DAPK2: variants seen among roughly 807,000 people sequenced by gnomAD.
The protein encoded by DAPK2 is death-associated protein kinase 2.
Under a neutral mutation model 44.1 loss-of-function variants are expected in DAPK2, and 35 were observed. The ratio of observed to expected loss-of-function variants is 0.79; its 90% CI spans 0.61 to 1.05. The LOEUF (loss-of-function observed/expected upper bound fraction) is 1.05. Ranked by LOEUF, DAPK2 falls within the 50% of genes least tolerant of loss-of-function variation. DAPK2 has a pLI of 0.00. For missense variants in DAPK2, 453 were observed against 483.2 expected, an observed-to-expected ratio of 0.94 and a Z score of 0.59; for synonymous variants, 174 against 182.6, an observed-to-expected ratio of 0.95 and a Z score of 0.38.
At chr15:64,003,628 CAG>C (rs2079154023) in intron 1 of DAPK2, among the ~76,000 whole-genome samples, 1 of 152,094 alleles carries the variant, frequency 6.6e-6, no homozygotes, top group African/African-American at 2.4e-5. Context: ...TTCCTTCTGA[CAG>C]AGTCTTGCTC....
At chr15:63,968,787 G>A (rs896113109) in intron 3 of DAPK2, among the ~76,000 whole-genome samples, 11 of 152,284 alleles carry the variant, frequency 7.2e-5, no homozygotes, top group East Asian at 5.8e-4. Context: ...CCACCACAGC[G>A]AGCTGCCATA....
chr15:63,962,779 G>C (rs938212391), intron 3 of DAPK2, among the ~76,000 whole-genome samples: 7 of 152,238 alleles, frequency 4.6e-5, no homozygotes, highest in Non-Finnish European at 1.0e-4. Context: ...GTGTCTCCCA[G>C]TTAGGCTACT....
At chr15:63,922,967 C>T in intron 8 of DAPK2, 1 of 1,535,952 alleles carries the variant, frequency 6.5e-7, no homozygotes, top group South Asian at 1.2e-5. Context: ...GCTTCCGAGG[C>T]TACATCCCGT....
chr15:64,036,923 G>A (rs1272855235), intron 1 of DAPK2, among the ~76,000 whole-genome samples: 2 of 152,124 alleles, frequency 1.3e-5, no homozygotes, highest in Non-Finnish European at 2.9e-5. Context: ...GTTCACTGTT[G>A]AAGGCCAGAA....
chr15:63,987,687 C>G (rs1595858827), intron 1 of DAPK2, among the ~76,000 whole-genome samples: 1 of 152,172 alleles, frequency 6.6e-6, no homozygotes, highest in Non-Finnish European at 1.5e-5. Flanking sequence ...TCTTAGAAAG[C>G]TTCCTGTCAG....
At chr15:63,941,849 C>G (rs2077318201) in intron 3 of DAPK2, among the ~76,000 whole-genome samples, 1 of 152,178 alleles carries the variant, frequency 6.6e-6, no homozygotes, top group African/African-American at 2.4e-5. Flanking sequence ...CACTCTAGCA[C>G]CCCTGACCAG....
At chr15:64,016,150 C>G (rs1277894617) in intron 1 of DAPK2, among the ~76,000 whole-genome samples, 1 of 152,174 alleles carries the variant, frequency 6.6e-6, no homozygotes, top group East Asian at 1.9e-4. Flanking sequence ...GAAAGTCCTC[C>G]TCTCTCTCAG....
At chr15:64,022,786 TC>T (rs2079727196) in intron 1 of DAPK2, among the ~76,000 whole-genome samples, 1 of 152,126 alleles carries the variant, frequency 6.6e-6, no homozygotes, top group African/African-American at 2.4e-5. Context: ...ATCACTGCAC[TC>T]CAGCCTGGGT....
intron 3 of DAPK2, among the ~76,000 whole-genome samples, chr15:63,954,915 T>C (rs1431197989): frequency 1.3e-5 from 2 of 152,220 alleles, no homozygotes; most frequent in African/African-American, 2.4e-5. Flanking sequence ...TTTTTAGCTA[T>C]TGTAAGTGAG....
intron 4 of DAPK2, among the ~76,000 whole-genome samples, chr15:63,936,974 T>G (rs368642306): frequency 0.039 from 2,733 of 69,396 alleles, 73 homozygotes; most frequent in African/African-American, 0.11. Flanking sequence ...AGTGAGACCC[T>G]GTCTCAAAAA....
At chr15:63,925,908 C>T (rs754265097) in intron 7 of DAPK2, 33 bp downstream of exon 8, 1 of 1,613,766 alleles carries the variant, frequency 6.2e-7, no homozygotes, top group Admixed American at 1.7e-5. Context: ...GGGATCAGTA[C>T]CTGAGAAACC....
intron 1 of DAPK2, among the ~76,000 whole-genome samples, chr15:63,997,657 G>C (rs1483632564): frequency 2.0e-5 from 3 of 152,102 alleles, no homozygotes; most frequent in African/African-American, 7.2e-5. Flanking sequence ...ATGGACCCTA[G>C]CCTCTAAAAT....
At chr15:64,026,729 C>T (rs2079857850) in intron 1 of DAPK2, among the ~76,000 whole-genome samples, 1 of 152,154 alleles carries the variant, frequency 6.6e-6, no homozygotes. Flanking sequence ...AAGGAGCAGA[C>T]CCCTTGGCAG....
In DAPK2 at chr15:63,990,764, A is replaced by C. The variant is rs1052984973; in HGVS notation, c.93-7010T>G. On this transcript the variant is annotated intron_variant, in intron 1 of 10. Coordinates refer to ENST00000261891, the Ensembl canonical transcript of DAPK2. This position sits in a 1 kb window ranked among gnomAD's most constrained non-coding sequence, Gnocchi z 4.3. ...AATTACCCTGCGAGGTTTCAGGGCC[A>C]TAGGGCAGGGATAATGCTTAGGAAC... Among the ~76,000 whole-genome samples the C allele has an allele frequency of 6.6e-6, 1 of 152,204 alleles. No homozygotes were observed. Among genetic ancestry groups the C allele is most frequent in the South Asian group, 2.1e-4 (1 of 4,828 alleles).
At chr15:64,036,761 G>A (rs543402296) in intron 1 of DAPK2, among the ~76,000 whole-genome samples, 1 of 152,104 alleles carries the variant, frequency 6.6e-6, no homozygotes, top group Non-Finnish European at 1.5e-5. Flanking sequence ...GGTGCTCACT[G>A]ACAGCCAAGT....
In DAPK2 at chr15:63,932,164, T is replaced by TAAA. The variant is rs1192270288; in HGVS notation, c.584-1710_584-1709insTTT. 6.1e-3 allele frequency among the ~76,000 whole-genome samples: 655 copies of TAAA among 107,524 alleles called. 44 individuals carry two copies. Among genetic ancestry groups the TAAA allele is most frequent in the East Asian group, 0.019 (80 of 4,316 alleles). 70.5% of individuals were successfully genotyped at this position (107,524 alleles called of 152,430 possible). A position where few individuals can be genotyped will look rare whatever the true frequency, so the allele number is the denominator to read the frequency against. On this transcript the variant is annotated intron_variant, in intron 4 of 10. Coordinates refer to ENST00000261891, the Ensembl canonical transcript of DAPK2. ...CCTGGGTGACAGAGTGAGACCCTGT[T>TAAA]TAAAAAAAAAAAAAAAAAAGGCTGG...
intron 1 of DAPK2, among the ~76,000 whole-genome samples, chr15:64,034,436 C>T (rs984696680): frequency 2.0e-5 from 3 of 152,164 alleles, no homozygotes; most frequent in African/African-American, 4.8e-5. Flanking sequence ...GGCTCCTTCC[C>T]CCGCCGAAGT....
intron 1 of DAPK2, among the ~76,000 whole-genome samples, chr15:63,988,307 G>A (rs2078720396): frequency 6.6e-6 from 1 of 152,052 alleles, no homozygotes; most frequent in South Asian, 2.1e-4. Flanking sequence ...ATTAAAAGGG[G>A]TATACCTAGA....
chr15:63,939,365 G>T lies in DAPK2; in HGVS notation c.454-4C>A, dbSNP rs1226666578. ...CTAACAACATAATGTTTTCTGGCTG[G>T]ACAACAAAAAGTAGAAAAAAAAAAA... On this transcript the variant is annotated splice_region_variant and splice_polypyrimidine_tract_variant and intron_variant, in intron 3 of 10. Coordinates refer to ENST00000261891, the Ensembl canonical transcript of DAPK2. The surrounding 1 kb of genome is among the most constrained non-coding windows in gnomAD (Gnocchi z 4.3). The T allele has an allele frequency of 6.6e-7, 1 of 1,510,996 alleles. No homozygotes were observed. The highest frequency in any genetic ancestry group is 8.9e-7 in the Non-Finnish European group (1 of 1,128,640). The allele number at this position is 1,510,996 out of a possible 1,614,324, so 93.6% of individuals were successfully genotyped here. A position where few individuals can be genotyped will look rare whatever the true frequency, so the allele number is the denominator to read the frequency against.
Sources: allele counts gnomAD v4.1 joint callset (sites outside exome capture counted in the v4.1 genomes callset), GRCh38; gene constraint gnomAD v4.1.1; non-coding constraint Gnocchi (gnomAD v3.1); transcripts MANE v1.5; gene names NCBI Gene and HGNC (gene_info 2026-07-23, HGNC 2026-07-21).